Variants in BCDIN3D observed in about 807,000 individuals in gnomAD.
The protein encoded by BCDIN3D is RNA 5'-monophosphate methyltransferase.
A neutral mutation model predicts 21.2 loss-of-function variants in BCDIN3D; 15 were observed. The ratio of observed to expected loss-of-function variants is 0.71; its 90% CI spans 0.47 to 1.09. The LOEUF (loss-of-function observed/expected upper bound fraction) is 1.09. Among genes scored for constraint, BCDIN3D ranks in the 50% least tolerant of loss-of-function variants. The pLI is 0.00. For missense variants in BCDIN3D, 331 were observed against 366.2 expected (o/e 0.90, Z 0.79); for synonymous variants, 127 against 141.9 (o/e 0.90, Z 0.75).
chr12:49,838,910 C>G lies in BCDIN3D; in HGVS notation c.340G>C (p.Val114Leu). ...FRLLCCDIDP[V>L]LVKRAEKECP... Reference sequence around the variant, plus strand: ...TCTTTTTCGGCTCGCTTCACCAGGACTGGATCTATGTCGCAGCAGAGGAGA... The same window carrying G: ...TCTTTTTCGGCTCGCTTCACCAGGAGTGGATCTATGTCGCAGCAGAGGAGA... Residue 114 changes from valine to leucine, a missense_variant, in exon 2 of 2, where the codon GTC becomes CTC. Val to Leu is a conservative substitution (Grantham distance 32). Coordinates refer to ENST00000333924, the MANE Select transcript of BCDIN3D (RefSeq NM_181708.3). 1.9e-6 allele frequency: 3 copies of G among 1,614,192 alleles called. No individual in the cohort carries two copies. The South Asian group carries it at 3.3e-5, about 18-fold the overall frequency.
At position 49,838,362 on chromosome 12, in the gene BCDIN3D, C is replaced by T. The variant is rs1431297284; in HGVS notation, c.*9G>A. 1 of 1,595,166 alleles carries T rather than the reference C, an allele frequency of 6.3e-7. No individual in the cohort carries two copies. Among genetic ancestry groups the T allele is most frequent in the Admixed American group, 1.7e-5 (1 of 59,030 alleles). ...TCAATATCTTTCTTGGTCTTCTTGC[C>T]CTCCCATCTCACTGCTTCTGGAAAC... On this transcript the variant is annotated 3_prime_UTR_variant, in exon 2 of 2. Coordinates refer to ENST00000333924, the MANE Select transcript of BCDIN3D (RefSeq NM_181708.3).
chr12:49,841,338 A>ATT (rs111496208), intron 1 of BCDIN3D, among the ~76,000 whole-genome samples: 2 of 152,036 alleles, frequency 1.3e-5, no homozygotes, highest in African/African-American at 4.8e-5. Flanking sequence ...TGTAGTTTGA[A>ATT]TTTTTTTGTT....
In BCDIN3D at chr12:49,838,386, A is replaced by T. The variant is rs11169172; in HGVS notation, c.864T>A (p.Ser288Arg). ...CCCTCCCATCTCACTGCTTCTGGAA[A>T]CTTAATCTGTTCTTTTCTTTCCCTT... is the stretch of plus-strand genomic sequence containing the variant. ...IEKGKEKNRL[S>R]FQKQ is the part of the protein sequence containing the mutation. The change falls in exon 2 of 2, where the codon AGT becomes AGA. Residue 288 changes from serine to arginine, a missense_variant. Physicochemically the swap from Ser to Arg is moderately radical, Grantham distance 110. Coordinates refer to ENST00000333924, the MANE Select transcript of BCDIN3D (RefSeq NM_181708.3). The T allele has an allele frequency of 0.1, 165,663 of 1,603,582 alleles. 19,632 individuals carry two copies. Among genetic ancestry groups the T allele is most frequent in the East Asian group, 0.54 (24,182 of 44,846 alleles).
chr12:49,842,099 G>C (rs1005635549), intron 1 of BCDIN3D, among the ~76,000 whole-genome samples: 1 of 152,158 alleles, frequency 6.6e-6, no homozygotes, highest in African/African-American at 2.4e-5. Context: ...TTTTGTTTTT[G>C]AGACGGAGTC....
chr12:49,838,261 C>T lies in BCDIN3D; in HGVS notation c.*110G>A. The T allele has an allele frequency of 8.7e-7, 1 of 1,145,276 alleles. No homozygotes were observed. Among genetic ancestry groups the T allele is most frequent in the Non-Finnish European group, 1.2e-6 (1 of 811,482 alleles). 70.9% of individuals were successfully genotyped at this position (1,145,276 alleles called of 1,614,324 possible). ...TGTGCCTTGGACATTTTACCAAAAGCTCCTGCCAGGTTTTGCGGCTGCCTG... is the reference window on the plus strand; with the variant it reads ...TGTGCCTTGGACATTTTACCAAAAGTTCCTGCCAGGTTTTGCGGCTGCCTG... On this transcript the variant is annotated 3_prime_UTR_variant, in exon 2 of 2. Transcript: ENST00000333924.
rs1946512618 is a variant in BCDIN3D, at chr12:49,837,274, T to TTTTG, written c.*1096_*1097insCAAA. ...GGGACCATAAGCATGTAGGTAGTTG[T>TTTTG]TTTTTTTTTTGTTTTTTTTTTTTTT... is the stretch of plus-strand genomic sequence containing the variant. On this transcript the variant is annotated 3_prime_UTR_variant, in exon 2 of 2. Coordinates refer to ENST00000333924, the MANE Select transcript of BCDIN3D (RefSeq NM_181708.3). 1 of 127,072 alleles carries TTTTG rather than the reference T, an allele frequency of 7.9e-6. No individual in the cohort carries two copies. The highest frequency in any genetic ancestry group is 3.1e-5 in the African/African-American group (1 of 31,780). 7.9% of individuals were successfully genotyped at this position (127,072 alleles called of 1,614,324 possible).
At position 49,836,050 on chromosome 12, in the gene BCDIN3D, A is replaced by G. The variant is rs958822094; in HGVS notation, c.*2321T>C. On this transcript the variant is annotated 3_prime_UTR_variant, in exon 2 of 2. Transcript: ENST00000333924. ...AATCACCACAAACCTTAGTGGTTTA[A>G]AATACTGATTTATTCTCTTACAGCT... The G allele has an allele frequency of 6.6e-6, 1 of 152,246 alleles. No individual in the cohort carries two copies. Among genetic ancestry groups the G allele is most frequent in the African/African-American group, 2.4e-5 (1 of 41,456 alleles). 9.4% of individuals were successfully genotyped at this position (152,246 alleles called of 1,614,324 possible). A position where few individuals can be genotyped will look rare whatever the true frequency, so the allele number is the denominator to read the frequency against.
Position 49,838,845 on chromosome 12 carries a change from G to A in BCDIN3D, c.405C>T (p.Asp135=). Residue 135 remains aspartate, a synonymous_variant, in exon 2 of 2, where the codon GAC becomes GAT. Coordinates refer to ENST00000333924, the MANE Select transcript of BCDIN3D (RefSeq NM_181708.3). Reference sequence around the variant, plus strand: ...CCTTCCGGGTCCTTTGATTCATGAAGTCCAGGGTGATAAAAGTCAAGGCAT... The same window carrying A: ...CCTTCCGGGTCCTTTGATTCATGAAATCCAGGGTGATAAAAGTCAAGGCAT... ...FPDALTFITL[D]FMNQRTRKVL... The A allele has an allele frequency of 1.2e-6, 2 of 1,614,234 alleles. No homozygotes were observed. The highest frequency in any genetic ancestry group is 8.5e-7 in the Non-Finnish European group (1 of 1,180,048).
rs1362545706 is a variant in BCDIN3D at position 49,838,221 on chromosome 12, TG to T, written c.*149del. ...GTTCCAAACAATGGGGAACAGATAC[TG>T]ATTCTTTCAATTATGTGCCTTGGAC... On this transcript the variant is annotated 3_prime_UTR_variant, in exon 2 of 2. Coordinates refer to ENST00000333924, the MANE Select transcript of BCDIN3D (RefSeq NM_181708.3). 6.8e-6 allele frequency: 5 copies of T among 738,340 alleles called. No homozygotes were observed. Among genetic ancestry groups the T allele is most frequent in the Non-Finnish European group, 1.1e-5 (5 of 455,506 alleles). 45.7% of individuals were successfully genotyped at this position (738,340 alleles called of 1,614,324 possible).
At chr12:49,842,767 G>T in intron 1 of BCDIN3D, 87 bp downstream of exon 1, 1 of 1,190,752 alleles carries the variant, frequency 8.4e-7, no homozygotes, top group Admixed American at 2.3e-5. Context: ...AGTTTCGATG[G>T]GTGTTAGCCC....
chr12:49,837,181 G>A lies in BCDIN3D; in HGVS notation c.*1190C>T, dbSNP rs1000020027. 2 of 151,998 alleles carry A rather than the reference G, an allele frequency of 1.3e-5. No homozygotes were observed. The highest frequency in any genetic ancestry group is 2.4e-5 in the African/African-American group (1 of 41,358). 9.4% of individuals were successfully genotyped at this position (151,998 alleles called of 1,614,324 possible). ...TGATTCTGATGTACCTAAGAACTAA[G>A]GGATATAATGACAAAACAGGAAAAA... On this transcript the variant is annotated 3_prime_UTR_variant, in exon 2 of 2. Coordinates refer to ENST00000333924, the MANE Select transcript of BCDIN3D (RefSeq NM_181708.3).
rs1946515004 is a variant in BCDIN3D, at chr12:49,837,320, C to T, written c.*1051G>A. 7.7e-6 allele frequency: 1 copy of T among 130,202 alleles called. No homozygotes were observed. Among genetic ancestry groups the T allele is most frequent in the South Asian group, 2.5e-4 (1 of 4,014 alleles). 8.1% of individuals were successfully genotyped at this position (130,202 alleles called of 1,614,324 possible). On this transcript the variant is annotated 3_prime_UTR_variant, in exon 2 of 2. Coordinates refer to ENST00000333924, the MANE Select transcript of BCDIN3D (RefSeq NM_181708.3). ...TTTTTTTTTTTGAGACGGAGTCTCG[C>T]TCTGTCGCCCAGGCTGGAGTGCAGT...
At position 49,837,310 on chromosome 12, in the gene BCDIN3D, C is replaced by T. The variant is rs1376127661; in HGVS notation, c.*1061G>A. The T allele has an allele frequency of 6.2e-5, 6 of 96,086 alleles. No homozygotes were observed. The highest frequency in any genetic ancestry group is 3.6e-4 in the South Asian group (1 of 2,776). The allele number at this position is 96,086 out of a possible 1,614,324, so 6.0% of individuals were successfully genotyped here. Reference sequence around the variant, plus strand: ...GTTTTTTTTTTTTTTTTTTTTGAGACGGAGTCTCGCTCTGTCGCCCAGGCT... The same window carrying T: ...GTTTTTTTTTTTTTTTTTTTTGAGATGGAGTCTCGCTCTGTCGCCCAGGCT... On this transcript the variant is annotated 3_prime_UTR_variant, in exon 2 of 2. Coordinates refer to ENST00000333924, the MANE Select transcript of BCDIN3D (RefSeq NM_181708.3).
chr12:49,838,364 T>C lies in BCDIN3D; in HGVS notation c.*7A>G. 6.3e-7 allele frequency: 1 copy of C among 1,596,956 alleles called. No individual in the cohort carries two copies. ...AATATCTTTCTTGGTCTTCTTGCCC[T>C]CCCATCTCACTGCTTCTGGAAACTT... On this transcript the variant is annotated 3_prime_UTR_variant, in exon 2 of 2. Coordinates refer to ENST00000333924, the MANE Select transcript of BCDIN3D (RefSeq NM_181708.3).
intron 1 of BCDIN3D, 33 bp downstream of exon 1, chr12:49,842,821 T>C (rs769544259): frequency 1.3e-6 from 2 of 1,552,560 alleles, no homozygotes; most frequent in Non-Finnish European, 1.7e-6. Context: ...ACCACTTGGC[T>C]CCGGATGCTC....
chr12:49,841,744 C>T (rs1340556643), intron 1 of BCDIN3D, among the ~76,000 whole-genome samples: 16 of 152,148 alleles, frequency 1.1e-4, no homozygotes, highest in Non-Finnish European at 2.1e-4. Context: ...GGTCTGAAGT[C>T]GTCCCCCAAA....
chr12:49,838,620 G>A lies in BCDIN3D; in HGVS notation c.630C>T (p.Leu210=), dbSNP rs1157624927. The A allele has an allele frequency of 2.5e-5, 41 of 1,613,810 alleles. No individual in the cohort carries two copies. Among genetic ancestry groups the A allele is most frequent in the Non-Finnish European group, 3.3e-5 (39 of 1,179,724 alleles). Residue 210 remains leucine (L), a synonymous_variant, in exon 2 of 2, where the codon CTC becomes CTT. Transcript: ENST00000333924. ...WKCYRAAARR[L]RKLGLHDFDH... is the part of the protein sequence containing the mutation. Reference sequence around the variant, plus strand: ...CAAAATCATGGAGTCCCAGCTTTCGGAGACGCCTTGCAGCTGCCCGGTAAC... The same window carrying A: ...CAAAATCATGGAGTCCCAGCTTTCGAAGACGCCTTGCAGCTGCCCGGTAAC...
chr12:49,838,950 G>C lies in BCDIN3D; in HGVS notation c.300C>G (p.Ala100=). The change falls in exon 2 of 2, where the codon GCC becomes GCG. Residue 100 remains alanine, a synonymous_variant. Coordinates refer to ENST00000333924, the MANE Select transcript of BCDIN3D (RefSeq NM_181708.3). ...SLPDGETCSD[A]SREFRLLCCD... ...AGCAGAGGAGACGGAATTCTCTTGAGGCATCTGAGCAGGTTTCCCCGTCAG... is the reference window on the plus strand; with the variant it reads ...AGCAGAGGAGACGGAATTCTCTTGACGCATCTGAGCAGGTTTCCCCGTCAG... The C allele has an allele frequency of 6.2e-7, 1 of 1,614,132 alleles. No homozygotes were observed. Among genetic ancestry groups the C allele is most frequent in the Admixed American group, 1.7e-5 (1 of 60,020 alleles).
chr12:49,841,557 G>C lies in BCDIN3D; in HGVS notation c.234+1297C>G, dbSNP rs116064230. 6.8e-3 allele frequency among the ~76,000 whole-genome samples: 1,033 copies of C among 152,184 alleles called. 13 individuals carry two copies. The highest frequency in any genetic ancestry group is 0.023 in the African/African-American group (975 of 41,516). ...CTCTGGTGGTTTCCTAATGCCTTTC[G>C]TGAAATCCCAAGCCTTAACCTCAGT... is the stretch of plus-strand genomic sequence containing the variant. On this transcript the variant is annotated intron_variant, in intron 1 of 1. Coordinates refer to ENST00000333924, the MANE Select transcript of BCDIN3D (RefSeq NM_181708.3).
Sources: gnomAD v4.1 joint callset for allele counts (sites outside exome capture counted in the v4.1 genomes callset) on GRCh38, gnomAD v4.1.1 for gene constraint, MANE v1.5 for transcripts, NCBI Gene and HGNC (gene_info 2026-07-23, HGNC 2026-07-21) for gene names.